CNIH3: variants seen among roughly 807,000 people sequenced by gnomAD.
CNIH3 encodes the protein protein cornichon homolog 3.
A neutral mutation model predicts 24.1 loss-of-function variants in CNIH3; 14 were observed. That is an observed-to-expected ratio of 0.58 (90% CI 0.38 to 0.91). The LOEUF is 0.91. Ranked by LOEUF, CNIH3 falls within the 40% of genes least tolerant of loss-of-function variation. The probability of loss-of-function intolerance (pLI) is 0.00; values close to 1 mark genes in which losing one functional copy is unlikely to be tolerated. For synonymous variants in CNIH3, 68 were observed against 73.8 expected (o/e 0.92, Z 0.40); for missense variants, 178 against 196.8 (o/e 0.90, Z 0.57).
intron 1 of CNIH3, among the ~76,000 whole-genome samples, chr1:224,460,893 C>T (rs1455207851): frequency 6.6e-6 from 1 of 151,920 alleles, no homozygotes; most frequent in Non-Finnish European, 1.5e-5. Flanking sequence ...CCTCAGCCTC[C>T]TGAGTAGCTG....
At chr1:224,610,365 T>C (rs1305857783) in intron 3 of CNIH3, among the ~76,000 whole-genome samples, 2 of 152,234 alleles carry the variant, frequency 1.3e-5, no homozygotes, top group Non-Finnish European at 2.9e-5. Context: ...TGGTAGGAGA[T>C]GACTGGATCA....
intron 1 of CNIH3, among the ~76,000 whole-genome samples, chr1:224,649,631 G>A (rs1684773180): frequency 6.6e-6 from 1 of 152,148 alleles, no homozygotes; most frequent in Non-Finnish European, 1.5e-5. Context: ...AGTGGTTTTT[G>A]AAATCTACTT....
intron 1 of CNIH3, among the ~76,000 whole-genome samples, chr1:224,450,038 A>G (rs1050875954): frequency 6.6e-6 from 1 of 152,068 alleles, no homozygotes; most frequent in Non-Finnish European, 1.5e-5. Context: ...ACACATACAT[A>G]TATGTATATA....
intron 3 of CNIH3, among the ~76,000 whole-genome samples, chr1:224,594,983 T>G (rs1002206065): frequency 6.6e-6 from 1 of 152,240 alleles, no homozygotes; most frequent in Non-Finnish European, 1.5e-5. Context: ...GAGAACCTTG[T>G]GTTGAGCAAG....
At chr1:224,602,660 T>G (rs1402821887) in intron 3 of CNIH3, among the ~76,000 whole-genome samples, 3 of 152,236 alleles carry the variant, frequency 2.0e-5, no homozygotes. Flanking sequence ...ATATTTCATA[T>G]GTACATGGGA....
intron 1 of CNIH3, chr1:224,661,696 T>C (rs949697737): frequency 5.0e-6 from 1 of 199,224 alleles, no homozygotes; most frequent in Non-Finnish European, 1.0e-5. Context: ...TTAATATAAA[T>C]TAAGCTATCT....
intron 1 of CNIH3, among the ~76,000 whole-genome samples, chr1:224,479,297 G>A (rs1159180546): frequency 1.3e-5 from 2 of 151,990 alleles, no homozygotes; most frequent in Non-Finnish European, 2.9e-5. Flanking sequence ...GGGATTAGAG[G>A]CATGCGTCAC....
rs975636790 is a variant in CNIH3, at chr1:224,619,294, C to T, written c.81+2039C>T. ...TTTGAATGAAAATCAGGTGTTCCCTCATCCAGCACTGGCTCTATCCTCCAG... is the reference window on the plus strand; with the variant it reads ...TTTGAATGAAAATCAGGTGTTCCCTTATCCAGCACTGGCTCTATCCTCCAG... On this transcript the variant is annotated intron_variant, in intron 1 of 5. Transcript: ENST00000272133. 5.3e-5 allele frequency among the ~76,000 whole-genome samples: 8 copies of T among 152,234 alleles called. 1 individual carries two copies. Among genetic ancestry groups the T allele is most frequent in the Middle Eastern group, 3.2e-3 (1 of 316 alleles).
intron 2 of CNIH3, among the ~76,000 whole-genome samples, 192 bp downstream of exon 2, chr1:224,681,218 G>A (rs779493680): frequency 7.2e-5 from 11 of 152,190 alleles, no homozygotes; most frequent in Admixed American, 3.3e-4. Flanking sequence ...GAGATATGTT[G>A]CAAATCAGAT....
At chr1:224,501,191 T>C (rs1365148946) in intron 1 of CNIH3, among the ~76,000 whole-genome samples, 1 of 152,240 alleles carries the variant, frequency 6.6e-6, no homozygotes, top group Non-Finnish European at 1.5e-5. Context: ...TTTGTATATT[T>C]GACTCCTATA....
intron 1 of CNIH3, among the ~76,000 whole-genome samples, chr1:224,643,448 C>T (rs1462973185): frequency 6.6e-6 from 1 of 152,166 alleles, no homozygotes; most frequent in Non-Finnish European, 1.5e-5. Flanking sequence ...GCTTTGGCCC[C>T]GCAGCCCAGT....
chr1:224,510,759 A>T (rs963077270), intron 1 of CNIH3, among the ~76,000 whole-genome samples: 6 of 152,172 alleles, frequency 3.9e-5, no homozygotes, highest in African/African-American at 9.7e-5. Context: ...ACCAGAGTTT[A>T]CTGACTGATA....
chr1:224,677,703 A>G (rs987038047), intron 1 of CNIH3, among the ~76,000 whole-genome samples: 11 of 152,176 alleles, frequency 7.2e-5, no homozygotes, highest in Non-Finnish European at 1.3e-4. Flanking sequence ...TGCTGCTTCA[A>G]GCTCCAGCTA....
At chr1:224,605,864 G>T (rs1682396688) in intron 3 of CNIH3, among the ~76,000 whole-genome samples, 1 of 152,172 alleles carries the variant, frequency 6.6e-6, no homozygotes, top group South Asian at 2.1e-4. Flanking sequence ...CAGGGAGATT[G>T]ATTTGAGTAA....
At chr1:224,643,889 C>T (rs1449055396) in intron 1 of CNIH3, among the ~76,000 whole-genome samples, 4 of 152,202 alleles carry the variant, frequency 2.6e-5, no homozygotes, top group African/African-American at 9.7e-5. Context: ...TGGAGTTTCT[C>T]TGGGGACCCC....
chr1:224,593,657 C>T (rs1681858081), intron 3 of CNIH3, among the ~76,000 whole-genome samples: 1 of 151,218 alleles, frequency 6.6e-6, no homozygotes, highest in Non-Finnish European at 1.5e-5. Flanking sequence ...TCATATGGAC[C>T]CCACAAATAG....
Position 224,616,340 on chromosome 1 carries a change from GGCGGCGGCA to G in CNIH3, c.-829_-821del. The G allele has an allele frequency of 4.2e-6, 2 of 474,004 alleles. No individual in the cohort carries two copies. The highest frequency in any genetic ancestry group is 2.9e-6 in the Non-Finnish European group (1 of 340,374). 29.4% of individuals were successfully genotyped at this position (474,004 alleles called of 1,614,324 possible). A position where few individuals can be genotyped will look rare whatever the true frequency, so the allele number is the denominator to read the frequency against. ...TCGCAGTGGCAAAGGCGGCGGCGGC[GGCGGCGGCA>G]GCGGCAGCAGCAGGTGGAGCGAGCT... On this transcript the variant is annotated 5_prime_UTR_variant, in exon 1 of 6. Transcript: ENST00000272133.
At chr1:224,486,385 T>A (rs566284260) in intron 1 of CNIH3, among the ~76,000 whole-genome samples, 36 of 152,240 alleles carry the variant, frequency 2.4e-4, no homozygotes, top group Middle Eastern at 3.4e-3. Context: ...AGTGCTGGGA[T>A]TACAGGCATG....
chr1:224,514,408 C>A (rs1426863954), upstream of CNIH3, among the ~76,000 whole-genome samples: 1 of 152,150 alleles, frequency 6.6e-6, no homozygotes, highest in African/African-American at 2.4e-5. Flanking sequence ...TAAATCTGCA[C>A]ACTAGCTATA....
Sources: allele counts gnomAD v4.1 joint callset (sites outside exome capture counted in the v4.1 genomes callset), GRCh38; gene constraint gnomAD v4.1.1; transcripts MANE v1.5; gene names NCBI Gene and HGNC (gene_info 2026-07-23, HGNC 2026-07-21).